The following TENM3 variants were observed in gnomAD, a reference collection of about 807,000 sequenced individuals.
TENM3 encodes teneurin-3.
Under a neutral mutation model 255.1 loss-of-function variants are expected in TENM3, and 63 were observed. That is an observed-to-expected ratio of 0.25 (90% CI 0.20 to 0.30). TENM3 has a LOEUF of 0.30. Ranked by LOEUF, TENM3 falls within the 10% of genes least tolerant of loss-of-function variation. The pLI, the probability that TENM3 is intolerant of heterozygous loss-of-function variation, is 1.00. For missense variants in TENM3, 2,929 were observed against 3,461.1 expected (o/e 0.85, Z 3.86); for synonymous variants, 1,306 against 1,322.3 (o/e 0.99, Z 0.27).
At chr4:182,787,577 T>C (rs1437459478) in intron 24 of TENM3, among the ~76,000 whole-genome samples, 1 of 151,346 alleles carries the variant, frequency 6.6e-6, no homozygotes, top group Admixed American at 6.6e-5. Flanking sequence ...CTACCAAAAA[T>C]ACAAAAATTA....
chr4:181,905,310 T>C, the TENM3 span, among the ~76,000 whole-genome samples: 1 of 152,278 alleles, frequency 6.6e-6, no homozygotes, highest in East Asian at 1.9e-4. Flanking sequence ...ACAACATAGA[T>C]ACCAAGTATC....
At chr4:182,008,594 A>G in the TENM3 span, among the ~76,000 whole-genome samples, 1 of 151,752 alleles carries the variant, frequency 6.6e-6, no homozygotes, top group African/African-American at 2.4e-5. Context: ...CAAGTTGTTT[A>G]TGTTCCTCTC....
At position 182,569,923 on chromosome 4, in the gene TENM3, T is replaced by C. The variant is rs565492754; in HGVS notation, c.512-31001T>C. On this transcript the variant is annotated intron_variant, in intron 3 of 27. Transcript: ENST00000511685. Reference sequence around the variant, plus strand: ...CCTTGAAGAATAAGGTGAATTTTACTAGGTAGAGAATGTGCAGGTAGGATA... The same window carrying C: ...CCTTGAAGAATAAGGTGAATTTTACCAGGTAGAGAATGTGCAGGTAGGATA... Among the ~76,000 whole-genome samples the C allele has an allele frequency of 3.9e-5, 6 of 152,292 alleles. No homozygotes were observed. In the East Asian group the frequency reaches 9.6e-4, roughly 24 times the overall value.
intron 7 of TENM3, 125 bp from the exon 8 acceptor site, chr4:182,679,541 T>C: frequency 2.7e-6 from 2 of 733,808 alleles, no homozygotes; most frequent in Non-Finnish European, 4.5e-6. Flanking sequence ...CATTTGGACC[T>C]GTCAGGAACT....
At chr4:182,688,115 T>C (rs1418835229) in intron 11 of TENM3, 51 bp from the exon 12 acceptor site, 9 of 1,467,580 alleles carry the variant, frequency 6.1e-6, no homozygotes, top group Non-Finnish European at 8.2e-6. Flanking sequence ...ATTCCCCTTC[T>C]CTCTCCCGCC....
At chr4:181,788,947 T>G in the TENM3 span, among the ~76,000 whole-genome samples, 1 of 152,238 alleles carries the variant, frequency 6.6e-6, no homozygotes, top group African/African-American at 2.4e-5. Context: ...GTAGCACAAT[T>G]AAAGCCACCA....
At chr4:182,737,788 C>T (rs1247698008) in intron 17 of TENM3, among the ~76,000 whole-genome samples, 1 of 152,118 alleles carries the variant, frequency 6.6e-6, no homozygotes, top group African/African-American at 2.4e-5. Context: ...TGAATTAGTT[C>T]AAATCAATCC....
intron 19 of TENM3, among the ~76,000 whole-genome samples, chr4:182,747,696 CAATT>C (rs368725281): frequency 1.4e-4 from 21 of 152,016 alleles, no homozygotes; most frequent in African/African-American, 4.3e-4. Context: ...TTTATATTAC[CAATT>C]AAAGGATCAA....
chr4:181,919,735 T>A, the TENM3 span, among the ~76,000 whole-genome samples: 1 of 151,998 alleles, frequency 6.6e-6, no homozygotes. Flanking sequence ...TTTTAATTTT[T>A]ATTTTATTAT....
Position 182,789,529 on chromosome 4 carries a change from C to A in TENM3, c.5601+140C>A. The A allele has an allele frequency of 1.2e-6, 1 of 826,494 alleles. No homozygotes were observed. Among genetic ancestry groups the A allele is most frequent in the Non-Finnish European group, 1.9e-6 (1 of 536,220 alleles). The allele number at this position is 826,494 out of a possible 1,614,324, so 51.2% of individuals were successfully genotyped here. A position where few individuals can be genotyped will look rare whatever the true frequency, so the allele number is the denominator to read the frequency against. ...ATTCGAAGTATCAATACGGAAGTCA[C>A]ATTGGCACAGCAGTGATGAATTTCT... On this transcript the variant is annotated intron_variant, in intron 25 of 27. Transcript: ENST00000511685. This position sits in a 1 kb window ranked among gnomAD's most constrained non-coding sequence, Gnocchi z 4.4.
chr4:182,469,984 C>T (rs548389438), intron 3 of TENM3, among the ~76,000 whole-genome samples: 1 of 152,000 alleles, frequency 6.6e-6, no homozygotes, highest in Non-Finnish European at 1.5e-5. Context: ...AAATATCCAG[C>T]GGGGACAGGG....
At chr4:181,755,136 A>G in the TENM3 span, among the ~76,000 whole-genome samples, 1 of 152,198 alleles carries the variant, frequency 6.6e-6, no homozygotes, top group East Asian at 1.9e-4. Context: ...GTCTCTCCAC[A>G]TATCCTAGAC....
chr4:182,388,785 T>A (rs1422909791), intron 3 of TENM3, among the ~76,000 whole-genome samples: 1 of 152,236 alleles, frequency 6.6e-6, no homozygotes, highest in Non-Finnish European at 1.5e-5. Flanking sequence ...CCACCCCAAT[T>A]TTTCAGAAGC....
At chr4:181,850,062 C>T in the TENM3 span, among the ~76,000 whole-genome samples, 12 of 151,602 alleles carry the variant, frequency 7.9e-5, no homozygotes, top group South Asian at 1.5e-3. Flanking sequence ...TTGCCTTTCT[C>T]TTCTCTCTCT....
At chr4:181,487,405 A>G in the TENM3 span, among the ~76,000 whole-genome samples, 5 of 152,174 alleles carry the variant, frequency 3.3e-5, no homozygotes, top group Non-Finnish European at 5.9e-5. Context: ...TTAACTTCTC[A>G]CAGTTCTGGA....
intron 1 of TENM3, among the ~76,000 whole-genome samples, chr4:182,195,863 T>C (rs1284843744): frequency 6.6e-6 from 1 of 152,164 alleles, no homozygotes; most frequent in Non-Finnish European, 1.5e-5. Flanking sequence ...AATCATGGCC[T>C]CCATTATATT....
the TENM3 span, among the ~76,000 whole-genome samples, chr4:181,574,146 G>T: frequency 6.6e-6 from 1 of 152,184 alleles, no homozygotes; most frequent in Non-Finnish European, 1.5e-5. Context: ...TTTCTGTTCA[G>T]TTGAGGAAAA....
rs1040326499 is a variant in TENM3 at position 182,406,114 on chromosome 4, T to C, written c.511+59185T>C. 7.2e-5 allele frequency among the ~76,000 whole-genome samples: 11 copies of C among 152,206 alleles called. No homozygotes were observed. In the South Asian group the frequency reaches 2.3e-3, roughly 32 times the overall value. ...TGCAGTCAGGAGTTCAAGACCAGCC[T>C]GGCCAAAATGATGAAACCCTGTCTC... On this transcript the variant is annotated intron_variant, in intron 3 of 27. Coordinates refer to ENST00000511685, the MANE Select transcript of TENM3 (RefSeq NM_001080477.4).
chr4:182,274,655 G>T (rs145083888), intron 1 of TENM3, among the ~76,000 whole-genome samples: 2,585 of 152,234 alleles, frequency 0.017, 41 homozygotes, highest in Non-Finnish European at 0.024. Context: ...GTGCAGATAC[G>T]TAGAAAGTCT....
Sources: allele counts gnomAD v4.1 joint callset (sites outside exome capture counted in the v4.1 genomes callset), GRCh38; gene constraint gnomAD v4.1.1; non-coding constraint Gnocchi (gnomAD v3.1); transcripts MANE v1.5; gene names NCBI Gene and HGNC (gene_info 2026-07-23, HGNC 2026-07-21).